Variants in SMOC2 observed in about 807,000 individuals in gnomAD.
SMOC2 encodes SPARC related modular calcium binding 2.
A neutral mutation model predicts 61.4 loss-of-function variants in SMOC2; 39 were observed. The observed-to-expected ratio is 0.64, with a 90% CI of 0.49 to 0.83. The LOEUF (loss-of-function observed/expected upper bound fraction) is 0.83, where lower values mean the gene tolerates loss of function less well. Among genes scored for constraint, SMOC2 ranks in the 40% least tolerant of loss-of-function variants. The pLI, the probability that SMOC2 is intolerant of heterozygous loss-of-function variation, is 0.00. For synonymous variants in SMOC2, 247 were observed against 239.9 expected, an observed-to-expected ratio of 1.03 and a Z score of -0.27; for missense variants, 556 against 592.9, an observed-to-expected ratio of 0.94 and a Z score of 0.65.
intron 1 of SMOC2, among the ~76,000 whole-genome samples, chr6:168,502,224 A>G (rs558000127): frequency 1.3e-5 from 2 of 152,272 alleles, no homozygotes; most frequent in African/African-American, 2.4e-5. Context: ...ATCTTTTCCA[A>G]ACACTTTCTC....
chr6:168,549,599 G>A (rs1158363517), intron 7 of SMOC2, among the ~76,000 whole-genome samples: 1 of 152,192 alleles, frequency 6.6e-6, no homozygotes, highest in Admixed American at 6.5e-5. Context: ...GGCTGAGGAG[G>A]AGGAAGAGGA....
At chr6:168,460,454 G>A (rs1176893907) in intron 1 of SMOC2, among the ~76,000 whole-genome samples, 1 of 152,158 alleles carries the variant, frequency 6.6e-6, no homozygotes, top group African/African-American at 2.4e-5. Flanking sequence ...TTTTACGTCT[G>A]TCTTACTTAA....
chr6:168,560,441 T>A (rs1348777845), intron 7 of SMOC2, among the ~76,000 whole-genome samples: 6 of 152,266 alleles, frequency 3.9e-5, no homozygotes, highest in Non-Finnish European at 7.3e-5. Flanking sequence ...ATTTATTTTT[T>A]AAAACTCTTT....
chr6:168,510,145 C>A, intron 2 of SMOC2, 59 bp downstream of exon 2: 1 of 1,522,430 alleles, frequency 6.6e-7, no homozygotes, highest in South Asian at 1.2e-5. Context: ...AAAATGAATG[C>A]AAACATATTT....
At chr6:168,659,805 GTAGA>G (rs1787453817) in intron 11 of SMOC2, among the ~76,000 whole-genome samples, 17 of 150,466 alleles carry the variant, frequency 1.1e-4, no homozygotes, top group African/African-American at 1.9e-4. Flanking sequence ...GGTGGAGGTT[GTAGA>G]TTGGGTGAGG....
intron 1 of SMOC2, among the ~76,000 whole-genome samples, chr6:168,482,104 T>A (rs1226303021): frequency 1.3e-5 from 2 of 151,802 alleles, no homozygotes; most frequent in African/African-American, 2.4e-5. Flanking sequence ...AACAAAAAAT[T>A]GGTTCTTTGA....
chr6:168,497,234 G>C (rs1360336956), intron 1 of SMOC2, among the ~76,000 whole-genome samples: 2 of 152,190 alleles, frequency 1.3e-5, no homozygotes, highest in East Asian at 3.9e-4. Flanking sequence ...GTCACTGGGA[G>C]CCTCAGCTGT....
chr6:168,664,384 C>CTTT (rs750178882), intron 12 of SMOC2: 10 of 330,354 alleles, frequency 3.0e-5, no homozygotes, highest in African/African-American at 2.3e-4. Context: ...TTTGGTAGAT[C>CTTT]TTTTTTTTTT....
chr6:168,579,736 G>A (rs1004099541), intron 7 of SMOC2, among the ~76,000 whole-genome samples: 2 of 152,180 alleles, frequency 1.3e-5, no homozygotes, highest in Admixed American at 6.5e-5. Flanking sequence ...ATTGTGGTGG[G>A]TGGGGGTGGC....
At chr6:168,586,085 GTC>G (rs1785042372) in intron 7 of SMOC2, among the ~76,000 whole-genome samples, 1 of 151,912 alleles carries the variant, frequency 6.6e-6, no homozygotes, top group Middle Eastern at 3.2e-3. Flanking sequence ...CTCAATAATA[GTC>G]TCCATATTTT....
At chr6:168,548,956 T>C (rs1784068784) in intron 6 of SMOC2, among the ~76,000 whole-genome samples, 173 bp from the exon 7 acceptor site, 1 of 152,224 alleles carries the variant, frequency 6.6e-6, no homozygotes, top group African/African-American at 2.4e-5. Flanking sequence ...ATGTATATTA[T>C]GATTTCCTTT....
intron 7 of SMOC2, among the ~76,000 whole-genome samples, chr6:168,589,428 C>G (rs890638814): frequency 6.6e-6 from 1 of 152,258 alleles, no homozygotes; most frequent in African/African-American, 2.4e-5. Flanking sequence ...CAGCAATGGG[C>G]TCAACAGCCA....
chr6:168,580,265 C>T (rs1370001050), intron 7 of SMOC2, among the ~76,000 whole-genome samples: 1 of 152,202 alleles, frequency 6.6e-6, no homozygotes, highest in Non-Finnish European at 1.5e-5. Context: ...GGAACTGGAT[C>T]CACGCATTTT....
At chr6:168,570,415 T>C (rs1399728380) in intron 7 of SMOC2, among the ~76,000 whole-genome samples, 1 of 152,064 alleles carries the variant, frequency 6.6e-6, no homozygotes, top group Non-Finnish European at 1.5e-5. Flanking sequence ...TTGCCCACCC[T>C]AGAAGACTAG....
chr6:168,626,173 A>G (rs1258862854), intron 9 of SMOC2, among the ~76,000 whole-genome samples: 1 of 152,134 alleles, frequency 6.6e-6, no homozygotes, highest in Non-Finnish European at 1.5e-5. Context: ...ATTGTGGAGG[A>G]ATTAATTCTT....
intron 9 of SMOC2, among the ~76,000 whole-genome samples, chr6:168,630,810 A>C (rs955354395): frequency 2.6e-5 from 4 of 152,318 alleles, no homozygotes; most frequent in Non-Finnish European, 5.9e-5. Context: ...CTTACAGTCG[A>C]GATTGCAGAG....
chr6:168,641,445 G>A (rs960804268), intron 9 of SMOC2, among the ~76,000 whole-genome samples: 1 of 152,168 alleles, frequency 6.6e-6, no homozygotes, highest in African/African-American at 2.4e-5. Context: ...CAAGCATTTT[G>A]TTAATAAGTA....
At chr6:168,599,235 C>A (rs1785428118) in intron 8 of SMOC2, among the ~76,000 whole-genome samples, 1 of 145,998 alleles carries the variant, frequency 6.8e-6, no homozygotes, top group Non-Finnish European at 1.5e-5. Flanking sequence ...CATGGTCTCT[C>A]TCACACACAC....
At chr6:168,650,166 C>T (rs796978991) in intron 9 of SMOC2, among the ~76,000 whole-genome samples, 7 of 152,136 alleles carry the variant, frequency 4.6e-5, no homozygotes, top group African/African-American at 1.4e-4. Context: ...GTGCCAATGC[C>T]GTGGTGTGGA....
Sources: gnomAD v4.1 joint callset for allele counts (sites outside exome capture counted in the v4.1 genomes callset) on GRCh38, gnomAD v4.1.1 for gene constraint, MANE v1.5 for transcripts, NCBI Gene and HGNC (gene_info 2026-07-23, HGNC 2026-07-21) for gene names.